The following OXCT1 variants were observed in gnomAD, a reference collection of about 807,000 sequenced individuals.
OXCT1 encodes succinyl-CoA:3-ketoacid coenzyme A transferase 1, mitochondrial.
Under a neutral mutation model 69.6 loss-of-function variants are expected in OXCT1, and 27 were observed. The ratio of observed to expected loss-of-function variants is 0.39; its 90% CI spans 0.29 to 0.54. The LOEUF is 0.54. OXCT1 is among the 20% of genes least tolerant of loss of function. The probability of loss-of-function intolerance (pLI) is 0.72; values close to 1 mark genes in which losing one functional copy is unlikely to be tolerated. For missense variants in OXCT1, 437 were observed against 650.2 expected, an observed-to-expected ratio of 0.67 and a Z score of 3.57; for synonymous variants, 202 against 217.8, an observed-to-expected ratio of 0.93 and a Z score of 0.64.
intron 14 of OXCT1, among the ~76,000 whole-genome samples, chr5:41,750,331 T>C (rs1224935261): frequency 2.6e-5 from 4 of 152,030 alleles, no homozygotes; most frequent in African/African-American, 9.7e-5. Flanking sequence ...TTTCATTCAT[T>C]GACTCCCTCC....
At chr5:41,822,879 TC>T (rs1445138686) in intron 7 of OXCT1, among the ~76,000 whole-genome samples, 1 of 152,186 alleles carries the variant, frequency 6.6e-6, no homozygotes, top group Non-Finnish European at 1.5e-5. Flanking sequence ...TACAGCTGAG[TC>T]TTGTTTTTAA....
intron 13 of OXCT1, among the ~76,000 whole-genome samples, chr5:41,773,626 TCTG>T (rs1744987156): frequency 4.3e-5 from 1 of 23,048 alleles, no homozygotes; most frequent in African/African-American, 1.4e-4. Flanking sequence ...CCCCCACCCC[TCTG>T]CCAAAAAAAA....
chr5:41,825,599 T>C (rs1251535315), intron 7 of OXCT1, among the ~76,000 whole-genome samples: 1 of 152,240 alleles, frequency 6.6e-6, no homozygotes, highest in Admixed American at 6.5e-5. Flanking sequence ...CAGGGAGTTG[T>C]ATGCCCACAG....
rs75123246 is a variant in OXCT1 at position 41,808,407 on chromosome 5, T to C, written c.733-969A>G. Reference sequence around the variant, plus strand: ...CACTGAAATCTGGAAATCTGTGAGGTTAAGTAGCCCTTCTTATGCTGTTCT... The same window carrying C: ...CACTGAAATCTGGAAATCTGTGAGGCTAAGTAGCCCTTCTTATGCTGTTCT... On this transcript the variant is annotated intron_variant, in intron 7 of 16. Transcript: ENST00000196371. Among the ~76,000 whole-genome samples the C allele has an allele frequency of 1.4e-3, 214 of 152,174 alleles. 6 individuals are homozygous for C. The East Asian group carries it at 0.04, about 28-fold the overall frequency.
At chr5:41,797,029 C>A (rs1746215289) in intron 11 of OXCT1, among the ~76,000 whole-genome samples, 1 of 152,190 alleles carries the variant, frequency 6.6e-6, no homozygotes, top group African/African-American at 2.4e-5. Flanking sequence ...TTATTCTAGA[C>A]ACAATGTCTA....
At chr5:41,845,054 C>T (rs1458658368) in intron 5 of OXCT1, among the ~76,000 whole-genome samples, 1 of 152,048 alleles carries the variant, frequency 6.6e-6, no homozygotes, top group Admixed American at 6.6e-5. Context: ...CTTCCCACTG[C>T]GTTCCGTAAA....
intron 7 of OXCT1, among the ~76,000 whole-genome samples, chr5:41,836,116 CCT>C (rs1334220338): frequency 3.3e-5 from 5 of 152,308 alleles, no homozygotes; most frequent in African/African-American, 1.2e-4. Flanking sequence ...CCTTGCTACT[CCT>C]TGTCATACAC....
chr5:41,826,229 T>G (rs1301495961), intron 7 of OXCT1, among the ~76,000 whole-genome samples: 1 of 152,232 alleles, frequency 6.6e-6, no homozygotes, highest in Non-Finnish European at 1.5e-5. Context: ...CTAACAATAT[T>G]TTTAAAACAA....
chr5:41,745,577 C>G (rs902911961), intron 15 of OXCT1, among the ~76,000 whole-genome samples: 1 of 151,960 alleles, frequency 6.6e-6, no homozygotes, highest in Non-Finnish European at 1.5e-5. Context: ...GAAATAGACA[C>G]AAAAAACCCT....
chr5:41,794,345 A>T (rs1026478253), intron 12 of OXCT1: 1 of 593,516 alleles, frequency 1.7e-6, no homozygotes, highest in African/African-American at 1.9e-5. Context: ...GTGAGGCAGA[A>T]TGTGACTACT....
In OXCT1 at chr5:41,870,198, G is replaced by T; in HGVS notation, c.78+83C>A. The T allele has an allele frequency of 9.5e-7, 1 of 1,052,606 alleles. No individual in the cohort carries two copies. Among genetic ancestry groups the T allele is most frequent in the Non-Finnish European group, 1.5e-6 (1 of 678,368 alleles). 65.2% of individuals were successfully genotyped at this position (1,052,606 alleles called of 1,614,324 possible). Reference sequence around the variant, plus strand: ...TCCCAGGCTGGAGAGAGCGGGTAGGGGCAGAGAAGAAAACGCGGGCACCAC... The same window carrying T: ...TCCCAGGCTGGAGAGAGCGGGTAGGTGCAGAGAAGAAAACGCGGGCACCAC... On this transcript the variant is annotated intron_variant, in intron 1 of 16. Transcript: ENST00000196371. The surrounding 1 kb of genome is among the most constrained non-coding windows in gnomAD (Gnocchi z 4.2).
intron 13 of OXCT1, among the ~76,000 whole-genome samples, chr5:41,776,346 G>A (rs866915714): frequency 2.0e-5 from 3 of 152,168 alleles, no homozygotes; most frequent in South Asian, 4.1e-4. Context: ...AAACTGGGTG[G>A]GGGGAATATG....
chr5:41,836,454 A>C (rs1748366669), intron 7 of OXCT1, among the ~76,000 whole-genome samples: 1 of 152,226 alleles, frequency 6.6e-6, no homozygotes, highest in South Asian at 2.1e-4. Context: ...TTAAAAACAG[A>C]CATAAGTGAT....
At chr5:41,841,340 GGA>G (rs1748618031) in intron 6 of OXCT1, among the ~76,000 whole-genome samples, 1 of 152,124 alleles carries the variant, frequency 6.6e-6, no homozygotes, top group Admixed American at 6.6e-5. Flanking sequence ...CCTTGAGAAA[GGA>G]GCCCTCGTGA....
intron 1 of OXCT1, among the ~76,000 whole-genome samples, chr5:41,867,677 A>C (rs1750059102): frequency 6.6e-6 from 1 of 152,240 alleles, no homozygotes; most frequent in African/African-American, 2.4e-5. Context: ...TTGGATCAGA[A>C]AGAGCTTTAA....
At chr5:41,853,774 T>G (rs1367163324) in intron 3 of OXCT1, 1 of 636,952 alleles carries the variant, frequency 1.6e-6, no homozygotes, top group Non-Finnish European at 2.8e-6. Context: ...TTAAGTTATT[T>G]TTTTGTGGGA....
At chr5:41,752,163 A>C (rs1743816822) in intron 14 of OXCT1, among the ~76,000 whole-genome samples, 1 of 151,998 alleles carries the variant, frequency 6.6e-6, no homozygotes, top group Non-Finnish European at 1.5e-5. Flanking sequence ...AGCAAAGAGC[A>C]CTCTACTAGG....
intron 7 of OXCT1, among the ~76,000 whole-genome samples, chr5:41,830,818 A>G (rs1508815): frequency 0.19 from 28,396 of 152,206 alleles, 2,828 homozygotes; most frequent in Middle Eastern, 0.29. Context: ...CTAAAGAATA[A>G]GAAAAATTTA....
At chr5:41,851,170 G>A (rs1374974512) in intron 4 of OXCT1, among the ~76,000 whole-genome samples, 2 of 152,166 alleles carry the variant, frequency 1.3e-5, no homozygotes, top group East Asian at 1.9e-4. Context: ...TAATGATGAT[G>A]TGTTCATATT....
Sources: allele counts gnomAD v4.1 joint callset (sites outside exome capture counted in the v4.1 genomes callset), GRCh38; gene constraint gnomAD v4.1.1; non-coding constraint Gnocchi (gnomAD v3.1); transcripts MANE v1.5; gene names NCBI Gene and HGNC (gene_info 2026-07-23, HGNC 2026-07-21).